The following PCDH15 variants were observed in gnomAD, a reference collection of about 807,000 sequenced individuals.
The protein encoded by PCDH15 is protocadherin-15.
PCDH15 carries 129 observed loss-of-function variants against 178.5 expected under a neutral mutation model. The ratio of observed to expected loss-of-function variants is 0.72; its 90% CI spans 0.63 to 0.84. The LOEUF is 0.84. Ranked by LOEUF, PCDH15 falls within the 40% of genes least tolerant of loss-of-function variation. The probability of loss-of-function intolerance (pLI) is 0.00; values close to 1 mark genes in which losing one functional copy is unlikely to be tolerated. For synonymous variants in PCDH15, 800 were observed against 732.0 expected (o/e 1.09, Z -1.50); for missense variants, 2,230 against 2,099.9 (o/e 1.06, Z -1.21).
intron 2 of PCDH15, among the ~76,000 whole-genome samples, chr10:55,392,765 T>A (rs933221093): frequency 6.6e-6 from 1 of 152,178 alleles, no homozygotes; most frequent in Admixed American, 6.6e-5. Context: ...TTTTTTAGAC[T>A]GTTTCATAGT....
At chr10:55,151,583 A>G (rs758490255) in intron 2 of PCDH15, among the ~76,000 whole-genome samples, 2 of 152,072 alleles carry the variant, frequency 1.3e-5, no homozygotes, top group Non-Finnish European at 2.9e-5. Flanking sequence ...CAATAAGATG[A>G]TACTTCACTG....
At chr10:55,442,484 T>TATATATATATTATATATATATA (rs372207051) in intron 2 of PCDH15, among the ~76,000 whole-genome samples, 98 of 123,064 alleles carry the variant, frequency 8.0e-4, no homozygotes, top group African/African-American at 3.3e-3. Context: ...ATATATATTA[T>TATATATATATTATATATATATA]ATATATATAT....
chr10:53,911,622 A>G (rs10825161), intron 25 of PCDH15, among the ~76,000 whole-genome samples: 109,367 of 152,090 alleles, frequency 0.72, 39,713 homozygotes, highest in East Asian at 1. Context: ...AGGAGATAGA[A>G]ACACAAAGAA....
At chr10:54,790,958 G>A (rs1471068881) in intron 1 of PCDH15, among the ~76,000 whole-genome samples, 4 of 151,774 alleles carry the variant, frequency 2.6e-5, no homozygotes, top group African/African-American at 9.7e-5. Flanking sequence ...ATAAGAATGA[G>A]ATCTTGAGAG....
At chr10:53,827,272 A>ATAAT in intron 32 of PCDH15, 121 bp downstream of exon 32, 1 of 1,297,008 alleles carries the variant, frequency 7.7e-7, no homozygotes, top group South Asian at 2.6e-5. Context: ...TCTCTTGAAA[A>ATAAT]TAATAGAATA....
intron 29 of PCDH15, among the ~76,000 whole-genome samples, 166 bp from the exon 30 acceptor site, chr10:53,831,699 TAAAGA>T (rs1234821928): frequency 7.9e-6 from 1 of 126,048 alleles, no homozygotes; most frequent in African/African-American, 2.7e-5. Context: ...GCATAAGCAA[TAAAGA>T]AGAGGAGTAA....
chr10:54,346,242 A>G (rs1257386782), intron 6 of PCDH15, 123 bp downstream of exon 6: 5 of 904,604 alleles, frequency 5.5e-6, no homozygotes, highest in Non-Finnish European at 8.3e-6. Flanking sequence ...GACATTTTTA[A>G]ATAATAGTAT....
intron 2 of PCDH15, among the ~76,000 whole-genome samples, chr10:55,060,401 G>T (rs1841401317): frequency 6.6e-6 from 1 of 152,002 alleles, no homozygotes; most frequent in Non-Finnish European, 1.5e-5. Flanking sequence ...CTTACTATCT[G>T]CATAACCAAG....
At chr10:54,985,933 C>G (rs1216316913) in intron 2 of PCDH15, among the ~76,000 whole-genome samples, 4 of 152,128 alleles carry the variant, frequency 2.6e-5, no homozygotes, top group Admixed American at 2.6e-4. Context: ...CACTAGGTGG[C>G]GTTAGGCCTT....
chr10:54,838,186 C>T (rs1343849765), intron 3 of PCDH15, among the ~76,000 whole-genome samples: 1 of 152,006 alleles, frequency 6.6e-6, no homozygotes, highest in Non-Finnish European at 1.5e-5. Flanking sequence ...GTCCTGTCCA[C>T]CTAGTGATAT....
At chr10:55,219,880 T>TCAGTCACA (rs1840820241) in intron 1 of PCDH15, among the ~76,000 whole-genome samples, 1 of 144,058 alleles carries the variant, frequency 6.9e-6, no homozygotes, top group African/African-American at 2.6e-5. Context: ...CTGATATCAG[T>TCAGTCACA]CACACACACA....
At chr10:54,984,967 T>C (rs1388421580) in intron 2 of PCDH15, among the ~76,000 whole-genome samples, 1 of 152,202 alleles carries the variant, frequency 6.6e-6, no homozygotes, top group East Asian at 1.9e-4. Context: ...CTTGTTATCC[T>C]GACTTTTGTT....
At chr10:54,252,525 C>T (rs1189689359) in intron 8 of PCDH15, among the ~76,000 whole-genome samples, 2 of 152,166 alleles carry the variant, frequency 1.3e-5, no homozygotes, top group South Asian at 2.1e-4. Context: ...GATTATTAAT[C>T]AGAACTCTCA....
chr10:54,776,851 TATC>T (rs1949760462), intron 1 of PCDH15, among the ~76,000 whole-genome samples: 1 of 152,092 alleles, frequency 6.6e-6, no homozygotes, highest in Admixed American at 6.6e-5. Flanking sequence ...GCTGTCCCAG[TATC>T]ATAACAGAAG....
At chr10:54,872,391 G>A (rs1954054970) in intron 3 of PCDH15, among the ~76,000 whole-genome samples, 2 of 151,652 alleles carry the variant, frequency 1.3e-5, no homozygotes, top group South Asian at 2.1e-4. Flanking sequence ...ATAAAACCTA[G>A]GTATGTATTT....
chr10:54,900,837 C>G lies in PCDH15; in HGVS notation c.-79-3337G>C, dbSNP rs190247634. Among the ~76,000 whole-genome samples, 422 of 152,150 alleles carry G rather than the reference C, an allele frequency of 2.8e-3. 8 individuals are homozygous for G. Among genetic ancestry groups the G allele is most frequent in the Non-Finnish European group, 6.6e-4 (45 of 67,992 alleles). ...ATGTTTCAGTTTCAGAATAAGCAAG[C>G]CAAGCTACCAAAAAGCTCTCCCCTT... On this transcript the variant is annotated intron_variant, in intron 2 of 5. Transcript: ENST00000458638.
At chr10:55,229,190 A>T (rs1357686435) in intron 1 of PCDH15, among the ~76,000 whole-genome samples, 1 of 151,900 alleles carries the variant, frequency 6.6e-6, no homozygotes, top group Non-Finnish European at 1.5e-5. Flanking sequence ...ATAGTATGGG[A>T]TAAGCACATG....
At chr10:54,779,571 G>A (rs994790881) in intron 1 of PCDH15, among the ~76,000 whole-genome samples, 2 of 128,962 alleles carry the variant, frequency 1.6e-5, no homozygotes, top group Admixed American at 1.6e-4. Context: ...GTTCAATACA[G>A]CACACTGATT....
chr10:54,726,484 G>T (rs1245263705), intron 1 of PCDH15, among the ~76,000 whole-genome samples: 1 of 148,896 alleles, frequency 6.7e-6, no homozygotes. Flanking sequence ...ACAGTGAATA[G>T]CTATAAAATA....
Sources: gnomAD v4.1 joint callset for allele counts (sites outside exome capture counted in the v4.1 genomes callset) on GRCh38, gnomAD v4.1.1 for gene constraint, MANE v1.5 for transcripts, NCBI Gene and HGNC (gene_info 2026-07-23, HGNC 2026-07-21) for gene names.